The following PDE6D variants were observed in gnomAD, a reference collection of about 807,000 sequenced individuals.
The protein encoded by PDE6D is phosphodiesterase 6D, also known as retinal rod rhodopsin-sensitive cGMP 3',5'-cyclic phosphodiesterase subunit delta.
In PDE6D, 10 loss-of-function variants were observed where a neutral mutation model predicts 21.9. The ratio of observed to expected loss-of-function variants is 0.46; its 90% CI spans 0.28 to 0.78. The LOEUF is 0.78. Among genes scored for constraint, PDE6D ranks in the 30% least tolerant of loss-of-function variants. The pLI, the probability that PDE6D is intolerant of heterozygous loss-of-function variation, is 0.12. For synonymous variants in PDE6D, 59 were observed against 63.5 expected, an observed-to-expected ratio of 0.93 and a Z score of 0.34; for missense variants, 139 against 184.8, an observed-to-expected ratio of 0.75 and a Z score of 1.44.
At chr2:231,742,823 G>C (rs981507442) in intron 1 of PDE6D, among the ~76,000 whole-genome samples, 1 of 152,170 alleles carries the variant, frequency 6.6e-6, no homozygotes, top group Non-Finnish European at 1.5e-5. Context: ...GCACAAGAAG[G>C]CCTAGCCTTG....
chr2:231,778,093 C>T (rs2049071414), intron 1 of PDE6D, among the ~76,000 whole-genome samples: 1 of 152,100 alleles, frequency 6.6e-6, no homozygotes, highest in Non-Finnish European at 1.5e-5. Context: ...TGGTGAAACC[C>T]CATCTCTATT....
intron 4 of PDE6D, among the ~76,000 whole-genome samples, chr2:231,736,771 T>A (rs2048705659): frequency 6.6e-6 from 1 of 152,208 alleles, no homozygotes; most frequent in African/African-American, 2.4e-5. Context: ...CAAATTAACA[T>A]AGATTCGGTA....
At chr2:231,758,939 T>C (rs1052131574) in intron 1 of PDE6D, among the ~76,000 whole-genome samples, 2 of 152,100 alleles carry the variant, frequency 1.3e-5, no homozygotes, top group Admixed American at 1.3e-4. Context: ...AAAAAAATTA[T>C]AGCCACTAAA....
intron 1 of PDE6D, among the ~76,000 whole-genome samples, chr2:231,744,437 T>A (rs1468896180): frequency 6.7e-6 from 1 of 150,026 alleles, no homozygotes; most frequent in Non-Finnish European, 1.5e-5. Flanking sequence ...TGCTTTTCTT[T>A]TTTTTTTTTT....
At chr2:231,770,569 G>A (rs2049006690) in intron 1 of PDE6D, among the ~76,000 whole-genome samples, 1 of 152,130 alleles carries the variant, frequency 6.6e-6, no homozygotes, top group Admixed American at 6.6e-5. Flanking sequence ...GTTAATTCCA[G>A]CACTTGGGGA....
intron 1 of PDE6D, among the ~76,000 whole-genome samples, chr2:231,758,719 T>G (rs768018810): frequency 4.6e-5 from 7 of 152,108 alleles, no homozygotes; most frequent in Non-Finnish European, 1.0e-4. Context: ...AAAAGGTGAT[T>G]TACAACAGGG....
At chr2:231,736,483 C>G (rs2048703611) in intron 4 of PDE6D, among the ~76,000 whole-genome samples, 1 of 152,112 alleles carries the variant, frequency 6.6e-6, no homozygotes, top group Non-Finnish European at 1.5e-5. Flanking sequence ...CCAGCTAACT[C>G]TTTAGAAGGT....
chr2:231,781,258 T>C lies in PDE6D; in HGVS notation c.-144A>G. ...GCGGCCAGACCAGGACCGGCCTCTC[T>C]CTCCCCTCAGCTCCCGCTTCTGATC... On this transcript the variant is annotated 5_prime_UTR_variant, in exon 1 of 5. Coordinates refer to ENST00000287600, the MANE Select transcript of PDE6D (RefSeq NM_002601.4). The C allele has an allele frequency of 1.4e-6, 1 of 700,958 alleles. No individual in the cohort carries two copies. The highest frequency in any genetic ancestry group is 2.5e-6 in the Non-Finnish European group (1 of 403,266). 43.4% of individuals were successfully genotyped at this position (700,958 alleles called of 1,614,324 possible). A position where few individuals can be genotyped will look rare whatever the true frequency, so the allele number is the denominator to read the frequency against.
intron 1 of PDE6D, among the ~76,000 whole-genome samples, chr2:231,760,655 C>T (rs1188912825): frequency 6.6e-6 from 1 of 152,124 alleles, no homozygotes; most frequent in Non-Finnish European, 1.5e-5. Flanking sequence ...GATCCCTAAA[C>T]TCATGGTACA....
intron 1 of PDE6D, among the ~76,000 whole-genome samples, chr2:231,760,616 G>C (rs1371012359): frequency 6.6e-6 from 1 of 152,046 alleles, no homozygotes; most frequent in Non-Finnish European, 1.5e-5. Flanking sequence ...ACCAGGGAGA[G>C]ACTGAGGGAT....
chr2:231,734,307 G>C (rs2048678039), intron 4 of PDE6D, among the ~76,000 whole-genome samples: 1 of 151,862 alleles, frequency 6.6e-6, no homozygotes, highest in Non-Finnish European at 1.5e-5. Context: ...CTTTATAGTG[G>C]ATTTATGGGG....
Position 231,737,296 on chromosome 2 carries a change from A to T in PDE6D, c.266-4T>A, listed in dbSNP as rs756598489. 10 of 1,564,090 alleles carry T rather than the reference A, an allele frequency of 6.4e-6. No individual in the cohort carries two copies. Among genetic ancestry groups the T allele is most frequent in the Middle Eastern group, 1.7e-4 (1 of 5,998 alleles). ...AAGCCAAACTCGAAGAACCATTCTG[A>T]AGGAAGAAGGAAAAGCCGGGGTGAG... On this transcript the variant is annotated splice_polypyrimidine_tract_variant and splice_region_variant and intron_variant, in intron 3 of 4. Coordinates refer to ENST00000287600, the MANE Select transcript of PDE6D (RefSeq NM_002601.4).
At chr2:231,745,268 G>C (rs925382790) in intron 1 of PDE6D, among the ~76,000 whole-genome samples, 4 of 151,254 alleles carry the variant, frequency 2.6e-5, no homozygotes, top group Non-Finnish European at 5.9e-5. Flanking sequence ...AAAAATGCTA[G>C]AAATGAAAGA....
At chr2:231,752,032 C>A (rs1463539806) in intron 1 of PDE6D, among the ~76,000 whole-genome samples, 2 of 152,162 alleles carry the variant, frequency 1.3e-5, no homozygotes, top group Non-Finnish European at 2.9e-5. Context: ...TTTATTCAAT[C>A]ATTTATATCA....
At chr2:231,754,714 C>T (rs1337918005) in intron 1 of PDE6D, among the ~76,000 whole-genome samples, 1 of 150,996 alleles carries the variant, frequency 6.6e-6, no homozygotes, top group Non-Finnish European at 1.5e-5. Flanking sequence ...GCCATTAATG[C>T]CATGCAGCAA....
At chr2:231,773,842 T>G (rs1324223362) in intron 1 of PDE6D, among the ~76,000 whole-genome samples, 1 of 152,168 alleles carries the variant, frequency 6.6e-6, no homozygotes, top group Non-Finnish European at 1.5e-5. Flanking sequence ...AATACGATAG[T>G]TTTTCAGTAA....
chr2:231,769,509 T>G (rs955159497), intron 1 of PDE6D, among the ~76,000 whole-genome samples: 5 of 151,568 alleles, frequency 3.3e-5, no homozygotes, highest in Non-Finnish European at 7.4e-5. Context: ...TCCTACAATT[T>G]GCTCTCTCTC....
At position 231,733,024 on chromosome 2, in the gene PDE6D, A is replaced by G. The variant is rs1400483915; in HGVS notation, c.381T>C (p.Val127=). The G allele has an allele frequency of 1.2e-5, 20 of 1,603,746 alleles. No individual in the cohort carries two copies. Among genetic ancestry groups the G allele is most frequent in the Middle Eastern group, 1.6e-4 (1 of 6,074 alleles). ...MMPASVLTGN[V]IIETKFFDDD... ...CGTCAAAAAACTTTGTTTCTATGAT[A>G]ACGTTCCCACTGTAAGTAAGAAGAG... Residue 127 remains valine (V), a synonymous_variant, in exon 5 of 5, where the codon GTT becomes GTC. Transcript: ENST00000287600.
Position 231,732,680 on chromosome 2 carries a change from C to T in PDE6D, c.*272G>A. ...ACCGGTTTGTGGTATGTGTTTGTTC[C>T]CTGTGTGTATGCTGGGAAGGACTTG... On this transcript the variant is annotated 3_prime_UTR_variant, in exon 5 of 5. Coordinates refer to ENST00000287600, the MANE Select transcript of PDE6D (RefSeq NM_002601.4). 3.0e-6 allele frequency: 1 copy of T among 330,310 alleles called. No homozygotes were observed. Among genetic ancestry groups the T allele is most frequent in the Non-Finnish European group, 5.6e-6 (1 of 178,392 alleles). 20.5% of individuals were successfully genotyped at this position (330,310 alleles called of 1,614,324 possible).
Sources: allele counts gnomAD v4.1 joint callset (sites outside exome capture counted in the v4.1 genomes callset), GRCh38; gene constraint gnomAD v4.1.1; transcripts MANE v1.5; gene names NCBI Gene and HGNC (gene_info 2026-07-23, HGNC 2026-07-21).